SLC25A24: variants seen among roughly 807,000 people sequenced by gnomAD.
The protein encoded by SLC25A24 is solute carrier family 25 member 24, also known as mitochondrial adenyl nucleotide antiporter SLC25A24.
In SLC25A24, 49 loss-of-function variants were observed where a neutral mutation model predicts 60.7. That is an observed-to-expected ratio of 0.81 (90% CI 0.64 to 1.02). SLC25A24 has a LOEUF of 1.02. Among genes scored for constraint, SLC25A24 ranks in the 50% least tolerant of loss-of-function variants. The pLI is 0.00. For synonymous variants in SLC25A24, 202 were observed against 200.6 expected (o/e 1.01, Z -0.06); for missense variants, 564 against 586.3 (o/e 0.96, Z 0.39).
chr1:108,155,660 G>A (rs1298100924), intron 5 of SLC25A24, among the ~76,000 whole-genome samples: 2 of 152,064 alleles, frequency 1.3e-5, no homozygotes, highest in South Asian at 2.1e-4. Context: ...GTATATCAGG[G>A]CTACCAACAC....
Position 108,136,533 on chromosome 1 carries a change from T to G in SLC25A24, c.*120A>C. On this transcript the variant is annotated 3_prime_UTR_variant, in exon 10 of 10. Coordinates refer to ENST00000565488, the MANE Select transcript of SLC25A24 (RefSeq NM_013386.5). ...TTTGAAGTGACCATTGTTACCATCT[T>G]CCCTTTTGTGAAAAAAATGCAGCTT... 2 of 769,250 alleles carry G rather than the reference T, an allele frequency of 2.6e-6. No homozygotes were observed. The highest frequency in any genetic ancestry group is 4.2e-6 in the Non-Finnish European group (2 of 473,628). 47.7% of individuals were successfully genotyped at this position (769,250 alleles called of 1,614,324 possible).
chr1:108,154,530 G>A (rs775646592), intron 6 of SLC25A24, among the ~76,000 whole-genome samples: 1 of 152,308 alleles, frequency 6.6e-6, no homozygotes, highest in East Asian at 1.9e-4. Context: ...AGGTGCTGGA[G>A]TACATGGGGA....
intron 8 of SLC25A24, among the ~76,000 whole-genome samples, chr1:108,140,560 T>C (rs1199959398): frequency 6.6e-6 from 1 of 151,778 alleles, no homozygotes; most frequent in Non-Finnish European, 1.5e-5. Context: ...TTAAACAGAA[T>C]TTAAAGAAGA....
chr1:108,168,950 C>G (rs576190723), intron 3 of SLC25A24, among the ~76,000 whole-genome samples: 4 of 152,082 alleles, frequency 2.6e-5, no homozygotes, highest in Non-Finnish European at 5.9e-5. Context: ...TCTTCCCCAC[C>G]ACCTCAAGCT....
intron 1 of SLC25A24, among the ~76,000 whole-genome samples, chr1:108,193,731 T>C (rs929667543): frequency 7.1e-6 from 1 of 140,328 alleles, no homozygotes; most frequent in Non-Finnish European, 1.6e-5. Context: ...TTTTATCTTT[T>C]ATCTTCATCC....
chr1:108,161,222 G>A lies in SLC25A24; in HGVS notation c.470C>T (p.Thr157Ile). ...WRDYFLFNPV[T>I]DIEEIIRFWK... The stretch of plus-strand genomic sequence containing the variant: ...GAAACGGATAATTTCCTCAATGTCT[G>A]TAACAGGATTAAATAAGAAGTAGTC... Residue 157 changes from threonine (T) to isoleucine (I), a missense_variant, in exon 4 of 10, where the codon ACA becomes ATA. Coordinates refer to ENST00000565488, the MANE Select transcript of SLC25A24 (RefSeq NM_013386.5). 1 of 1,598,044 alleles carries A rather than the reference G, an allele frequency of 6.3e-7. No homozygotes were observed. The highest frequency in any genetic ancestry group is 8.6e-7 in the Non-Finnish European group (1 of 1,165,950).
Position 108,157,604 on chromosome 1 carries a change from T to A in SLC25A24, c.527A>T (p.Asp176Val). ...GAATTCATCTGGAATAGTTAAGCTA[T>A]CCCCTATGTCAATTCCCTGTAAAAA... ...WKHSTGIDIG[D>V]SLTIPDEFTE... Residue 176 changes from aspartate (D) to valine (V), a missense_variant, in exon 5 of 10, where the codon GAT becomes GTT. Coordinates refer to ENST00000565488, the MANE Select transcript of SLC25A24 (RefSeq NM_013386.5). The A allele has an allele frequency of 1.2e-6, 2 of 1,613,684 alleles. No individual in the cohort carries two copies. The highest frequency in any genetic ancestry group is 2.7e-5 in the African/African-American group (2 of 74,990).
intron 3 of SLC25A24, among the ~76,000 whole-genome samples, chr1:108,175,160 C>A (rs1482397977): frequency 1.3e-5 from 2 of 152,124 alleles, no homozygotes; most frequent in Admixed American, 1.3e-4. Context: ...ACCCAAATCT[C>A]ATTTTGAATT....
intron 8 of SLC25A24, among the ~76,000 whole-genome samples, chr1:108,142,979 G>A (rs917380029): frequency 9.9e-5 from 15 of 152,120 alleles, no homozygotes; most frequent in African/African-American, 3.4e-4. Context: ...CATGTCTGTC[G>A]CAGCACAGAT....
intron 5 of SLC25A24, among the ~76,000 whole-genome samples, chr1:108,155,615 A>T (rs1376189266): frequency 6.6e-6 from 1 of 152,104 alleles, no homozygotes; most frequent in African/African-American, 2.4e-5. Flanking sequence ...TACAGACATG[A>T]ACTGTAAATG....
chr1:108,157,388 T>C, intron 5 of SLC25A24, 74 bp downstream of exon 5: 1 of 1,469,548 alleles, frequency 6.8e-7, no homozygotes, highest in Non-Finnish European at 9.2e-7. Context: ...TTAAAACTTC[T>C]TTTTCAAAGC....
chr1:108,137,333 A>C (rs1190441756), intron 9 of SLC25A24, among the ~76,000 whole-genome samples: 2 of 152,154 alleles, frequency 1.3e-5, no homozygotes, highest in Non-Finnish European at 2.9e-5. Context: ...AGTATGGAAG[A>C]AGCTCTGGGA....
Position 108,181,930 on chromosome 1 carries a change from G to T in SLC25A24, c.398+11C>A. 1 of 1,589,788 alleles carries T rather than the reference G, an allele frequency of 6.3e-7. No individual in the cohort carries two copies. Among genetic ancestry groups the T allele is most frequent in the Non-Finnish European group, 8.6e-7 (1 of 1,159,042 alleles). On this transcript the variant is annotated intron_variant, in intron 3 of 9. Transcript: ENST00000565488. Reference sequence around the variant, plus strand: ...GTGAAAGTCAATTGTTGACCAACATGAAGAGCTTACCTTTGAAGAATCAAC... The same window carrying T: ...GTGAAAGTCAATTGTTGACCAACATTAAGAGCTTACCTTTGAAGAATCAAC...
chr1:108,160,906 T>A (rs1403323044), intron 4 of SLC25A24, among the ~76,000 whole-genome samples: 2 of 151,894 alleles, frequency 1.3e-5, no homozygotes, highest in Non-Finnish European at 2.9e-5. Context: ...AGCAGTACAG[T>A]CCAGCTTTGG....
chr1:108,174,566 T>A lies in SLC25A24; in HGVS notation c.398+7375A>T, dbSNP rs903296211. On this transcript the variant is annotated intron_variant, in intron 3 of 9. Transcript: ENST00000565488. ...TCACACAGAGTCCCCACTGGAGCAC[T>A]GCCTAGTGGAGCTGTGAAAAGAGGG... 2.0e-5 allele frequency among the ~76,000 whole-genome samples: 3 copies of A among 152,122 alleles called. No individual in the cohort carries two copies. The East Asian group carries it at 5.8e-4, about 29-fold the overall frequency.
At chr1:108,146,582 T>C (rs1476833555) in intron 7 of SLC25A24, among the ~76,000 whole-genome samples, 1 of 152,250 alleles carries the variant, frequency 6.6e-6, no homozygotes, top group Non-Finnish European at 1.5e-5. Context: ...TATTTTGTTA[T>C]ACATTCCATC....
At chr1:108,158,112 A>G (rs1679954075) in intron 4 of SLC25A24, among the ~76,000 whole-genome samples, 1 of 152,232 alleles carries the variant, frequency 6.6e-6, no homozygotes, top group Non-Finnish European at 1.5e-5. Context: ...TAAAAATTAA[A>G]ACTGTATGTG....
intron 9 of SLC25A24, among the ~76,000 whole-genome samples, chr1:108,138,395 C>T (rs1679347179): frequency 1.3e-5 from 2 of 152,018 alleles, no homozygotes; most frequent in Non-Finnish European, 2.9e-5. Context: ...ATAAGACTGA[C>T]CAGGGAAAGC....
chr1:108,184,456 T>C (rs1475545584), intron 2 of SLC25A24, among the ~76,000 whole-genome samples: 1 of 152,246 alleles, frequency 6.6e-6, no homozygotes. Flanking sequence ...AATGTTCCAA[T>C]AGTACTACTT....
Sources: gnomAD v4.1 joint callset for allele counts (sites outside exome capture counted in the v4.1 genomes callset) on GRCh38, gnomAD v4.1.1 for gene constraint, MANE v1.5 for transcripts, NCBI Gene and HGNC (gene_info 2026-07-23, HGNC 2026-07-21) for gene names.